NBAS: variants seen among roughly 807,000 people sequenced by gnomAD.
NBAS encodes the protein NBAS subunit of NRZ tethering complex.
In NBAS, 219 loss-of-function variants were observed where a neutral mutation model predicts 302.5. The ratio of observed to expected loss-of-function variants is 0.72; its 90% CI spans 0.65 to 0.81. The LOEUF (loss-of-function observed/expected upper bound fraction) is 0.81. Ranked by LOEUF, NBAS falls within the 30% of genes least tolerant of loss-of-function variation. The pLI is 0.00. For synonymous variants in NBAS, 1,118 were observed against 1,021.6 expected (o/e 1.09, Z -1.80); for missense variants, 2,932 against 2,841.6 (o/e 1.03, Z -0.72).
the NBAS span, among the ~76,000 whole-genome samples, chr2:14,988,540 CTG>C: frequency 3.3e-5 from 5 of 152,166 alleles, no homozygotes; most frequent in African/African-American, 1.2e-4. Flanking sequence ...GGGAAGTTCA[CTG>C]TGTCATAGTT....
chr2:15,346,849 C>A (rs1673115110), intron 35 of NBAS, among the ~76,000 whole-genome samples: 1 of 152,126 alleles, frequency 6.6e-6, no homozygotes, highest in Admixed American at 6.6e-5. Flanking sequence ...ATGACCTTTG[C>A]AGGGACATAG....
At chr2:14,844,302 G>T in the NBAS span, among the ~76,000 whole-genome samples, 1 of 152,070 alleles carries the variant, frequency 6.6e-6, no homozygotes, top group Non-Finnish European at 1.5e-5. Flanking sequence ...CACACCCTGG[G>T]CCAGAAGGGA....
chr2:15,488,750 T>C, intron 12 of NBAS, 144 bp downstream of exon 12: 1 of 1,060,664 alleles, frequency 9.4e-7, no homozygotes, highest in South Asian at 1.4e-5. Context: ...CCCACTGTAC[T>C]GATATCATAA....
the NBAS span, among the ~76,000 whole-genome samples, chr2:14,828,770 C>G: frequency 6.6e-6 from 1 of 151,960 alleles, no homozygotes; most frequent in Non-Finnish European, 1.5e-5. Context: ...GAGGTGCAAT[C>G]CATAGGACTT....
At chr2:14,952,370 C>T in the NBAS span, among the ~76,000 whole-genome samples, 2 of 152,308 alleles carry the variant, frequency 1.3e-5, no homozygotes, top group East Asian at 1.9e-4. Flanking sequence ...ATTATTTTTC[C>T]CCTTTACTTC....
At chr2:15,109,711 T>C in the NBAS span, among the ~76,000 whole-genome samples, 1 of 151,994 alleles carries the variant, frequency 6.6e-6, no homozygotes, top group Non-Finnish European at 1.5e-5. Context: ...CTCTCTGAGG[T>C]CTCTTTATAA....
intron 11 of NBAS, among the ~76,000 whole-genome samples, chr2:15,492,246 C>T (rs1411802068): frequency 1.3e-5 from 2 of 152,022 alleles, no homozygotes; most frequent in Admixed American, 1.3e-4. Flanking sequence ...AAGCAAATCC[C>T]AGTCATTATT....
chr2:14,974,462 G>T, the NBAS span, among the ~76,000 whole-genome samples: 339 of 152,312 alleles, frequency 2.2e-3, no homozygotes, highest in African/African-American at 7.9e-3. Flanking sequence ...AATATTTGCT[G>T]CTGTGCAAGT....
intron 46 of NBAS, among the ~76,000 whole-genome samples, chr2:15,233,380 A>C (rs1429353533): frequency 6.6e-6 from 1 of 152,198 alleles, no homozygotes; most frequent in African/African-American, 2.4e-5. Context: ...TCAAAAATTT[A>C]TAAGTGTAAA....
At chr2:14,873,625 C>T in the NBAS span, among the ~76,000 whole-genome samples, 1 of 150,972 alleles carries the variant, frequency 6.6e-6, no homozygotes, top group African/African-American at 2.4e-5. Flanking sequence ...TGTTCACCAA[C>T]CACAGCAGAA....
At chr2:14,848,723 G>T in the NBAS span, among the ~76,000 whole-genome samples, 25,523 of 144,148 alleles carry the variant, frequency 0.18, 2,938 homozygotes, top group African/African-American at 0.4. Flanking sequence ...CATGCAGCTG[G>T]AGATCTGAGA....
the NBAS span, among the ~76,000 whole-genome samples, chr2:14,833,900 G>A: frequency 2.6e-5 from 4 of 151,922 alleles, no homozygotes. Flanking sequence ...CTATTTTCTA[G>A]ACCTTTGTTC....
intron 25 of NBAS, among the ~76,000 whole-genome samples, chr2:15,403,950 A>G: frequency 7.1e-6 from 1 of 141,344 alleles, no homozygotes; most frequent in Admixed American, 7.4e-5. Context: ...TATGTTGCTC[A>G]GGCTGGTCTC....
intron 21 of NBAS, among the ~76,000 whole-genome samples, chr2:15,453,227 G>A (rs972079592): frequency 6.6e-6 from 1 of 152,188 alleles, no homozygotes; most frequent in African/African-American, 2.4e-5. Context: ...AAGGAAAGCA[G>A]GAATGACCCA....
the NBAS span, among the ~76,000 whole-genome samples, chr2:15,060,399 A>T: frequency 6.6e-6 from 1 of 151,978 alleles, no homozygotes; most frequent in Non-Finnish European, 1.5e-5. Context: ...GATTTAATGA[A>T]CTCGGTGGAC....
chr2:15,338,885 C>T (rs920813867), intron 35 of NBAS, among the ~76,000 whole-genome samples: 6 of 152,034 alleles, frequency 3.9e-5, no homozygotes, highest in African/African-American at 1.5e-4. Flanking sequence ...TAGTGGCATG[C>T]GCCTGTAGTC....
At chr2:15,487,077 A>G (rs1020604145) in intron 12 of NBAS, among the ~76,000 whole-genome samples, 7 of 152,242 alleles carry the variant, frequency 4.6e-5, no homozygotes, top group Non-Finnish European at 7.3e-5. Flanking sequence ...CTACTAGGTG[A>G]ATAAAAGTAA....
chr2:15,263,413 A>G (rs1181291283), intron 44 of NBAS, among the ~76,000 whole-genome samples: 2 of 152,140 alleles, frequency 1.3e-5, no homozygotes, highest in Non-Finnish European at 2.9e-5. Context: ...TCTTTCTAAA[A>G]CAAAAATATG....
At chr2:15,001,739 T>A in the NBAS span, among the ~76,000 whole-genome samples, 5 of 151,946 alleles carry the variant, frequency 3.3e-5, no homozygotes, top group Non-Finnish European at 7.4e-5. Flanking sequence ...TTCCTTCTGA[T>A]GTTCGGATGT....
Sources: gnomAD v4.1 joint callset for allele counts (sites outside exome capture counted in the v4.1 genomes callset) on GRCh38, gnomAD v4.1.1 for gene constraint, MANE v1.5 for transcripts, NCBI Gene and HGNC (gene_info 2026-07-23, HGNC 2026-07-21) for gene names.